Variants in TIAM1 observed in about 807,000 individuals in gnomAD.
TIAM1 encodes the protein rho guanine nucleotide exchange factor TIAM1.
Under a neutral mutation model 163.5 loss-of-function variants are expected in TIAM1, and 65 were observed. The ratio of observed to expected loss-of-function variants is 0.40; its 90% CI spans 0.33 to 0.49. The LOEUF (loss-of-function observed/expected upper bound fraction) is 0.49. Ranked by LOEUF, TIAM1 falls within the 20% of genes least tolerant of loss-of-function variation. The pLI is 0.77. For missense variants in TIAM1, 1,789 were observed against 2,044.7 expected (o/e 0.87, Z 2.41); for synonymous variants, 833 against 810.1 (o/e 1.03, Z -0.48).
At chr21:31,243,885 T>C (rs2071354941) in intron 6 of TIAM1, among the ~76,000 whole-genome samples, 1 of 152,134 alleles carries the variant, frequency 6.6e-6, no homozygotes, top group Admixed American at 6.5e-5. Flanking sequence ...AAACTATCCT[T>C]CAAAAATGAA....
At chr21:31,553,490 G>A (rs943729798) in intron 1 of TIAM1, among the ~76,000 whole-genome samples, 2 of 152,198 alleles carry the variant, frequency 1.3e-5, no homozygotes, top group Non-Finnish European at 2.9e-5. Context: ...CCGTGGTTCT[G>A]AGCCTCTGAA....
chr21:31,270,038 T>C (rs1479080520), intron 3 of TIAM1, among the ~76,000 whole-genome samples: 2 of 152,228 alleles, frequency 1.3e-5, no homozygotes, highest in African/African-American at 2.4e-5. Context: ...TCATCTTAAT[T>C]TCTTCCTATT....
At chr21:31,349,689 TA>T (rs967877210) in intron 2 of TIAM1, among the ~76,000 whole-genome samples, 34 of 152,320 alleles carry the variant, frequency 2.2e-4, no homozygotes, top group African/African-American at 7.7e-4. Context: ...ATCCCCAGTA[TA>T]GCCTCTTGAA....
chr21:31,221,051 A>C (rs2087528095), intron 8 of TIAM1, among the ~76,000 whole-genome samples: 1 of 152,162 alleles, frequency 6.6e-6, no homozygotes, highest in Admixed American at 6.5e-5. Flanking sequence ...TAAAAAGAAG[A>C]AAAAAAATTT....
intron 9 of TIAM1, among the ~76,000 whole-genome samples, chr21:31,215,437 T>C (rs1197048162): frequency 1.3e-5 from 2 of 151,940 alleles, no homozygotes; most frequent in Non-Finnish European, 2.9e-5. Flanking sequence ...GGCAGGCGCC[T>C]GTAATCCCAG....
intron 13 of TIAM1, among the ~76,000 whole-genome samples, chr21:31,189,828 C>T (rs2085469616): frequency 6.6e-6 from 1 of 152,070 alleles, no homozygotes; most frequent in South Asian, 2.1e-4. Flanking sequence ...TATGAAATAT[C>T]CTACAGCTGG....
chr21:31,527,179 CA>C (rs1182744267), intron 1 of TIAM1, among the ~76,000 whole-genome samples: 3 of 152,266 alleles, frequency 2.0e-5, no homozygotes, highest in East Asian at 1.9e-4. Flanking sequence ...ACAGAGCCTG[CA>C]AAACTCTCCA....
intron 2 of TIAM1, among the ~76,000 whole-genome samples, chr21:31,310,908 AT>A (rs1178046795): frequency 7.2e-5 from 11 of 152,196 alleles, no homozygotes; most frequent in Non-Finnish European, 1.2e-4. Flanking sequence ...CATACTTTGC[AT>A]TTTCGGATAT....
At chr21:31,202,390 A>C (rs201674524) in intron 12 of TIAM1, among the ~76,000 whole-genome samples, 25,766 of 148,940 alleles carry the variant, frequency 0.17, 3,196 homozygotes, top group East Asian at 0.39. Flanking sequence ...TGTCTCTACA[A>C]AAAAAAAAAA....
intron 2 of TIAM1, among the ~76,000 whole-genome samples, chr21:31,428,760 G>C (rs1292339368): frequency 6.6e-6 from 1 of 151,796 alleles, no homozygotes; most frequent in African/African-American, 2.4e-5. Context: ...GCACATGCCT[G>C]TAGTCTCAGC....
intron 12 of TIAM1, among the ~76,000 whole-genome samples, chr21:31,196,479 T>A (rs1227606814): frequency 1.1e-5 from 1 of 87,424 alleles, no homozygotes; most frequent in Non-Finnish European, 1.9e-5. Flanking sequence ...ATCTGGCTAA[T>A]TTTTTTTTTT....
At chr21:31,556,975 A>G (rs534315480) in intron 1 of TIAM1, among the ~76,000 whole-genome samples, 44 of 151,906 alleles carry the variant, frequency 2.9e-4, no homozygotes, top group Non-Finnish European at 5.1e-4. Context: ...TTCCCTCCTA[A>G]CCTCCAGACA....
intron 1 of TIAM1, among the ~76,000 whole-genome samples, chr21:31,466,545 T>C (rs1340531497): frequency 6.6e-6 from 1 of 152,066 alleles, no homozygotes; most frequent in African/African-American, 2.4e-5. Flanking sequence ...CGGATTCAAG[T>C]TTGGTCAAGG....
intron 2 of TIAM1, among the ~76,000 whole-genome samples, chr21:31,425,048 G>A (rs1351178810): frequency 1.5e-4 from 22 of 148,500 alleles, no homozygotes; most frequent in Admixed American, 1.1e-3. Flanking sequence ...GCAGGACTCC[G>A]TCTCAAACAA....
chr21:31,162,945 G>C (rs1380825670), intron 16 of TIAM1, among the ~76,000 whole-genome samples: 6 of 152,030 alleles, frequency 3.9e-5, no homozygotes. Context: ...GCGACACATG[G>C]GACCAGTCAG....
intron 6 of TIAM1, among the ~76,000 whole-genome samples, chr21:31,243,339 T>A (rs961445597): frequency 6.7e-6 from 1 of 149,844 alleles, no homozygotes; most frequent in Non-Finnish European, 1.5e-5. Flanking sequence ...AGTGAACTTA[T>A]GACAGATCAA....
intron 4 of TIAM1, 113 bp downstream of exon 4, chr21:31,265,897 G>A (rs2072732474): frequency 6.3e-6 from 9 of 1,427,208 alleles, no homozygotes; most frequent in Non-Finnish European, 8.5e-6. Flanking sequence ...GCAACTACCA[G>A]GCAAACAGGG....
At chr21:31,386,607 C>T (rs1327742062) in intron 2 of TIAM1, among the ~76,000 whole-genome samples, 3 of 152,106 alleles carry the variant, frequency 2.0e-5, no homozygotes, top group Non-Finnish European at 4.4e-5. Flanking sequence ...TACTTGGGAA[C>T]TCGGAGCAGA....
chr21:31,244,467 G>A (rs981349370), intron 6 of TIAM1, among the ~76,000 whole-genome samples: 1 of 152,196 alleles, frequency 6.6e-6, no homozygotes, highest in Admixed American at 6.5e-5. Context: ...GCTTACACCT[G>A]TAATCCCAGC....
Sources: gnomAD v4.1 joint callset for allele counts (sites outside exome capture counted in the v4.1 genomes callset) on GRCh38, gnomAD v4.1.1 for gene constraint, MANE v1.5 for transcripts, NCBI Gene and HGNC (gene_info 2026-07-23, HGNC 2026-07-21) for gene names.